CRACD: variants seen among roughly 807,000 people sequenced by gnomAD.
CRACD encodes the protein capping protein-inhibiting regulator of actin dynamics.
CRACD carries 56 observed loss-of-function variants against 106.8 expected under a neutral mutation model. The ratio of observed to expected loss-of-function variants is 0.52; its 90% confidence interval spans 0.42 to 0.66. The LOEUF (loss-of-function observed/expected upper bound fraction) is 0.66, where lower values mean the gene tolerates loss of function less well. Among genes scored for constraint, CRACD ranks in the 30% least tolerant of loss-of-function variants. The probability of loss-of-function intolerance (pLI) is 0.00; values close to 1 mark genes in which losing one functional copy is unlikely to be tolerated. For synonymous variants in CRACD, 754 were observed against 670.8 expected (o/e 1.12, Z -1.92); for missense variants, 1,730 against 1,623.2 (o/e 1.07, Z -1.13).
chr4:56,065,541 C>A (rs1278403252), intron 1 of CRACD, among the ~76,000 whole-genome samples: 2 of 152,196 alleles, frequency 1.3e-5, no homozygotes, highest in African/African-American at 4.8e-5. Context: ...TTGGTAGTAT[C>A]TGCAACCTCC....
intron 1 of CRACD, among the ~76,000 whole-genome samples, chr4:56,065,691 A>G (rs1732445205): frequency 1.3e-5 from 2 of 152,170 alleles, no homozygotes; most frequent in South Asian, 2.1e-4. Flanking sequence ...TATACATGAC[A>G]TACACTTTAC....
chr4:56,327,067 T>C (rs1746498208), intron 10 of CRACD, among the ~76,000 whole-genome samples: 1 of 152,168 alleles, frequency 6.6e-6, no homozygotes, highest in Admixed American at 6.5e-5. Context: ...CCTCACCAGA[T>C]CCAGTCGGCT....
rs1365781651 is a variant in CRACD at position 56,315,052 on chromosome 4, G to T, written c.1550G>T (p.Arg517Leu). 7 of 1,607,058 alleles carry T rather than the reference G, an allele frequency of 4.4e-6. No homozygotes were observed. Among genetic ancestry groups the T allele is most frequent in the Non-Finnish European group, 5.9e-6 (7 of 1,177,724 alleles). Residue 517 changes from arginine (R) to leucine (L), a missense_variant, in exon 8 of 11, where the codon CGC becomes CTC. Physicochemically the swap from Arg to Leu is moderately radical, Grantham distance 102 (BLOSUM62 -2). Coordinates refer to ENST00000682029, the MANE Select transcript of CRACD (RefSeq NM_001393381.1). The surrounding 1 kb of genome is among the most constrained non-coding windows in gnomAD (Gnocchi z 4.1). ...GAAGCCGCCGCCCTTGAACAAGGCC[G>T]CAAGGTGGAGGAGCTGCGGTGGCAG... ...RKEAAALEQG[R>L]KVEELRWQEV...
intron 1 of CRACD, among the ~76,000 whole-genome samples, chr4:56,112,528 T>G (rs202192860): frequency 2.3e-5 from 1 of 43,874 alleles, no homozygotes. Context: ...TCTGGCTAGT[T>G]GGGGGGACCT....
chr4:56,314,359 C>T lies in CRACD; in HGVS notation c.857C>T (p.Ala286Val). 1.9e-6 allele frequency: 3 copies of T among 1,548,102 alleles called. No individual in the cohort carries two copies. The highest frequency in any genetic ancestry group is 2.6e-6 in the Non-Finnish European group (3 of 1,146,530). The change falls in exon 8 of 11, where the codon GCG becomes GTG. Residue 286 changes from alanine (A) to valine (V), a missense_variant. This residue lies in a region of CRACD where 1,620 missense variants were observed against 1,481.6 expected (regional missense o/e 1.09). Coordinates refer to ENST00000682029, the MANE Select transcript of CRACD (RefSeq NM_001393381.1). This position sits in a 1 kb window ranked among gnomAD's most constrained non-coding sequence, Gnocchi z 4.4. ...GQEPPLEAERAPREEQQRSLE... is the reference protein window; with the variant it reads ...GQEPPLEAERVPREEQQRSLE... ...GAGCCGCCTCTAGAGGCGGAAAGGGCGCCGCGGGAAGAGCAGCAGCGGAGC... is the reference window on the plus strand; with the variant it reads ...GAGCCGCCTCTAGAGGCGGAAAGGGTGCCGCGGGAAGAGCAGCAGCGGAGC...
intron 3 of CRACD, among the ~76,000 whole-genome samples, chr4:56,283,987 C>T (rs768956491): frequency 6.0e-4 from 92 of 152,132 alleles, no homozygotes; most frequent in Admixed American, 6.5e-5. Context: ...TGACTTGCCA[C>T]CCGTTGGCTT....
intron 2 of CRACD, among the ~76,000 whole-genome samples, chr4:56,239,090 C>T (rs910070003): frequency 7.2e-5 from 11 of 151,988 alleles, no homozygotes; most frequent in South Asian, 4.2e-4. Context: ...GTCAGGAATT[C>T]GAGACCAGCC....
At chr4:56,050,273 AGT>A (rs3036783) in intron 1 of CRACD, among the ~76,000 whole-genome samples, 15,156 of 134,278 alleles carry the variant, frequency 0.11, 803 homozygotes, top group East Asian at 0.13. Context: ...TAGGTGAGGG[AGT>A]GTGTGTGTGT....
chr4:56,149,331 A>G (rs1001670118), intron 1 of CRACD, among the ~76,000 whole-genome samples: 3 of 152,190 alleles, frequency 2.0e-5, no homozygotes, highest in Non-Finnish European at 4.4e-5. Flanking sequence ...GATGAAGCCT[A>G]TTGCTGTATT....
chr4:56,233,028 T>C (rs1280487950), intron 2 of CRACD, among the ~76,000 whole-genome samples: 1 of 152,080 alleles, frequency 6.6e-6, no homozygotes, highest in Non-Finnish European at 1.5e-5. Context: ...GCATCTTTCT[T>C]AATAACTAGT....
At position 56,160,768 on chromosome 4, in the gene CRACD, G is replaced by A. The variant is rs1036683991; in HGVS notation, c.-335-18516G>A. Reference sequence around the variant, plus strand: ...ATGAAATGATTTGACGTGCGTATGCGCACCTGTTACGTGATAAACTCTGAG... The same window carrying A: ...ATGAAATGATTTGACGTGCGTATGCACACCTGTTACGTGATAAACTCTGAG... On this transcript the variant is annotated intron_variant, in intron 1 of 10. Coordinates refer to ENST00000682029, the MANE Select transcript of CRACD (RefSeq NM_001393381.1). 7.9e-5 allele frequency among the ~76,000 whole-genome samples: 12 copies of A among 152,298 alleles called. No individual in the cohort carries two copies. In the East Asian group the frequency reaches 1.2e-3, roughly 15 times the overall value.
chr4:56,231,099 TA>T (rs2109534954), intron 2 of CRACD, among the ~76,000 whole-genome samples: 1 of 152,292 alleles, frequency 6.6e-6, no homozygotes, highest in African/African-American at 2.4e-5. Flanking sequence ...ACACTTTACC[TA>T]AAGAGAATCA....
intron 3 of CRACD, among the ~76,000 whole-genome samples, chr4:56,295,858 C>T (rs1366894892): frequency 6.6e-6 from 1 of 151,930 alleles, no homozygotes; most frequent in East Asian, 1.9e-4. Flanking sequence ...TATTTCATAA[C>T]ATTTTTAGGT....
intron 2 of CRACD, among the ~76,000 whole-genome samples, chr4:56,238,775 A>G (rs1740162943): frequency 6.6e-6 from 1 of 152,090 alleles, no homozygotes; most frequent in African/African-American, 2.4e-5. Context: ...ATGGTATTTC[A>G]TTTTGTAAAT....
intron 1 of CRACD, among the ~76,000 whole-genome samples, chr4:56,174,952 G>A (rs1195203162): frequency 6.6e-6 from 1 of 152,186 alleles, no homozygotes; most frequent in Admixed American, 6.5e-5. Context: ...GAGAAAGAGT[G>A]AGGCGGGAAA....
chr4:56,313,987 G>A (rs2109766145), intron 7 of CRACD, 53 bp from the exon 8 acceptor site: 2 of 1,564,422 alleles, frequency 1.3e-6, no homozygotes, highest in Non-Finnish European at 1.7e-6. Flanking sequence ...GAAAAGGAAC[G>A]ACTGTGGGTG....
In CRACD at chr4:56,075,916, T is replaced by A. The variant is rs143027641; in HGVS notation, c.-336+26617T>A. ...TTCTGTATGTTCATTGTGGCTGTGA[T>A]CAGACTTACTGTAACCCCAAAGAGA... On this transcript the variant is annotated intron_variant, in intron 1 of 10. Transcript: ENST00000682029. Among the ~76,000 whole-genome samples, 387 of 152,278 alleles carry A rather than the reference T, an allele frequency of 2.5e-3. 2 individuals are homozygous for A. Among genetic ancestry groups the A allele is most frequent in the African/African-American group, 8.1e-3 (338 of 41,568 alleles).
intron 2 of CRACD, among the ~76,000 whole-genome samples, chr4:56,250,306 A>G (rs1329600075): frequency 6.6e-6 from 1 of 152,190 alleles, no homozygotes; most frequent in African/African-American, 2.4e-5. Context: ...CTGGTATCTA[A>G]TAAAACATTT....
chr4:56,232,331 A>G (rs914112082), intron 2 of CRACD, among the ~76,000 whole-genome samples: 4 of 152,132 alleles, frequency 2.6e-5, no homozygotes, highest in African/African-American at 7.2e-5. Context: ...TTTATTGCCA[A>G]GTTAATTCCT....
Sources: gnomAD v4.1 joint callset for allele counts (sites outside exome capture counted in the v4.1 genomes callset) on GRCh38, gnomAD v4.1.1 for gene constraint, gnomAD v4.1.1 regional missense constraint, Gnocchi (gnomAD v3.1) non-coding constraint, MANE v1.5 for transcripts, NCBI Gene and HGNC (gene_info 2026-07-23, HGNC 2026-07-21) for gene names.